The following TEAD3 variants were observed in gnomAD, a reference collection of about 807,000 sequenced individuals.
TEAD3 encodes TEA domain transcription factor 3.
TEAD3 carries 15 observed loss-of-function variants against 55.6 expected under a neutral mutation model. That is an observed-to-expected ratio of 0.27 (90% CI 0.18 to 0.42). TEAD3 has a LOEUF of 0.42. Ranked by LOEUF, TEAD3 falls within the 10% of genes least tolerant of loss-of-function variation. TEAD3 has a pLI of 1.00. For missense variants in TEAD3, 407 were observed against 576.8 expected (o/e 0.71, Z 3.01); for synonymous variants, 210 against 232.2 (o/e 0.90, Z 0.87).
chr6:35,483,500 G>C lies in TEAD3; in HGVS notation c.267+1060C>G, dbSNP rs1185984133. Among the ~76,000 whole-genome samples, 1 of 152,134 alleles carries C rather than the reference G, an allele frequency of 6.6e-6. No homozygotes were observed. The highest frequency in any genetic ancestry group is 1.5e-5 in the Non-Finnish European group (1 of 68,016). On this transcript the variant is annotated intron_variant, in intron 3 of 12. Transcript: ENST00000639578. The surrounding 1 kb of genome is among the most constrained non-coding windows in gnomAD (Gnocchi z 4.5). ...TTCCCTGGATCAGAAGCCACTAACT[G>C]TCTCTTACATCATCATTTTTCTCCA...
intron 1 of TEAD3, among the ~76,000 whole-genome samples, chr6:35,494,528 T>C (rs72894784): frequency 0.063 from 9,624 of 152,202 alleles, 432 homozygotes; most frequent in Admixed American, 0.12. Flanking sequence ...TCCCCAGCTC[T>C]ACCCAGAGGC....
At position 35,485,892 on chromosome 6, in the gene TEAD3, G is replaced by T. The variant is rs1306938511; in HGVS notation, c.202+569C>A. Among the ~76,000 whole-genome samples the T allele has an allele frequency of 6.6e-6, 1 of 152,200 alleles. No homozygotes were observed. Among genetic ancestry groups the T allele is most frequent in the African/African-American group, 2.4e-5 (1 of 41,450 alleles). ...ATCCCAAAAATGCAGCTCTGGGAGA[G>T]CCCTCTCAGGGCTGGACAAGAGGGG... is the stretch of plus-strand genomic sequence containing the variant. On this transcript the variant is annotated intron_variant, in intron 2 of 12. Coordinates refer to ENST00000639578, the Ensembl canonical transcript of TEAD3. This position sits in a 1 kb window ranked among gnomAD's most constrained non-coding sequence, Gnocchi z 4.3.
intron 1 of TEAD3, among the ~76,000 whole-genome samples, chr6:35,490,639 C>T (rs1561808037): frequency 1.3e-5 from 2 of 152,194 alleles, no homozygotes; most frequent in Non-Finnish European, 1.5e-5. Flanking sequence ...GGGGCTGGAC[C>T]GGGGTCTCAG....
At chr6:35,481,581 A>T (rs374607962) in intron 3 of TEAD3, among the ~76,000 whole-genome samples, 1 of 152,348 alleles carries the variant, frequency 6.6e-6, no homozygotes, top group African/African-American at 2.4e-5. Context: ...TACTGAGCAC[A>T]GATACTATCG....
intron 3 of TEAD3, 149 bp downstream of exon 4, chr6:35,480,163 G>GGAAGGAGAGGCA: frequency 6.5e-7 from 1 of 1,550,004 alleles, no homozygotes; most frequent in South Asian, 1.2e-5. Flanking sequence ...CAGAAAGAGC[G>GGAAGGAGAGGCA]GAAGGAGAGG....
rs1161373581 is a variant in TEAD3 at position 35,496,132 on chromosome 6, G to C, written c.-50+766C>G. Among the ~76,000 whole-genome samples, 1 of 147,008 alleles carries C rather than the reference G, an allele frequency of 6.8e-6. No individual in the cohort carries two copies. Among genetic ancestry groups the C allele is most frequent in the Non-Finnish European group, 1.5e-5 (1 of 66,392 alleles). On this transcript the variant is annotated intron_variant, in intron 1 of 12. Coordinates refer to ENST00000639578, the Ensembl canonical transcript of TEAD3. This position sits in a 1 kb window ranked among gnomAD's most constrained non-coding sequence, Gnocchi z 4.8. ...GGCATGACAGACAATGGTGGGGACC[G>C]GGGTAGGAAGCGGGAGACCAGCCAC...
rs1768122991 is a variant in TEAD3, at chr6:35,475,423, C to T, written c.1107G>A (p.Glu369=). The T allele has an allele frequency of 6.2e-7, 1 of 1,613,962 alleles. No individual in the cohort carries two copies. The highest frequency in any genetic ancestry group is 8.5e-7 in the Non-Finnish European group (1 of 1,179,980). The change falls in exon 12 of 13, where the codon GAG becomes GAA. Residue 369 remains glutamate (E), a synonymous_variant. Coordinates refer to ENST00000639578, the Ensembl canonical transcript of TEAD3. The surrounding 1 kb of genome is among the most constrained non-coding windows in gnomAD (Gnocchi z 5.4). The stretch of plus-strand genomic sequence containing the variant: ...GCTTGTGGATGAAGTTGATCATGTA[C>T]TCGCACATGGGCGAGCGGTGGATAC...
chr6:35,486,771 A>C lies in TEAD3; in HGVS notation c.-49-60T>G. 1 of 1,222,900 alleles carries C rather than the reference A, an allele frequency of 8.2e-7. No individual in the cohort carries two copies. Among genetic ancestry groups the C allele is most frequent in the Non-Finnish European group, 1.1e-6 (1 of 878,380 alleles). The allele number at this position is 1,222,900 out of a possible 1,614,324, so 75.8% of individuals were successfully genotyped here. A position where few individuals can be genotyped will look rare whatever the true frequency, so the allele number is the denominator to read the frequency against. ...TCCTCCTCGACCACAGCAATCTCCT[A>C]TCCCACAGCCGCTGGCTCTGGAGCT... On this transcript the variant is annotated intron_variant, in intron 1 of 12. Transcript: ENST00000639578. The surrounding 1 kb of genome is among the most constrained non-coding windows in gnomAD (Gnocchi z 7.3).
Position 35,484,578 on chromosome 6 carries a change from C to A in TEAD3, c.249G>T (p.Lys83Asn), listed in dbSNP as rs746360805. Residue 83 changes from lysine to asparagine, a missense_variant, in exon 3 of 13, where the codon AAG becomes AAT. By Grantham distance (94) the Lys-to-Asn change is moderately conservative. Coordinates refer to ENST00000639578, the Ensembl canonical transcript of TEAD3. This position sits in a 1 kb window ranked among gnomAD's most constrained non-coding sequence, Gnocchi z 5.8. ...TCTCTACCTGTTTTCTCGTCCGAGT[C>A]TTCCCCGTCCTCAGTTTAATATAGC... 6.2e-7 allele frequency: 1 copy of A among 1,605,358 alleles called. No homozygotes were observed. The highest frequency in any genetic ancestry group is 8.5e-7 in the Non-Finnish European group (1 of 1,175,980).
chr6:35,485,897 C>T lies in TEAD3; in HGVS notation c.202+564G>A, dbSNP rs1283006519. On this transcript the variant is annotated intron_variant, in intron 2 of 12. Transcript: ENST00000639578. This position sits in a 1 kb window ranked among gnomAD's most constrained non-coding sequence, Gnocchi z 4.3. ...AAAAATGCAGCTCTGGGAGAGCCCT[C>T]TCAGGGCTGGACAAGAGGGGACACT... is the stretch of plus-strand genomic sequence containing the variant. 6.6e-6 allele frequency among the ~76,000 whole-genome samples: 1 copy of T among 152,206 alleles called. No individual in the cohort carries two copies. Among genetic ancestry groups the T allele is most frequent in the African/African-American group, 2.4e-5 (1 of 41,470 alleles).
rs2150920024 is a variant in TEAD3 at position 35,496,343 on chromosome 6, C to G, written c.-50+555G>C. 6.6e-6 allele frequency among the ~76,000 whole-genome samples: 1 copy of G among 152,300 alleles called. No individual in the cohort carries two copies. Among genetic ancestry groups the G allele is most frequent in the African/African-American group, 2.4e-5 (1 of 41,574 alleles). On this transcript the variant is annotated intron_variant, in intron 1 of 12. Coordinates refer to ENST00000639578, the Ensembl canonical transcript of TEAD3. This position sits in a 1 kb window ranked among gnomAD's most constrained non-coding sequence, Gnocchi z 4.8. ...CCCTGCCTCTCAGGGGACACACGGCCGGGGCGCGCGGCTTTGGTCCCAGAC... is the reference window on the plus strand; with the variant it reads ...CCCTGCCTCTCAGGGGACACACGGCGGGGGCGCGCGGCTTTGGTCCCAGAC...
chr6:35,482,606 C>T (rs1375891952), intron 3 of TEAD3, among the ~76,000 whole-genome samples: 1 of 152,158 alleles, frequency 6.6e-6, no homozygotes, highest in African/African-American at 2.4e-5. Flanking sequence ...TCCACCCTGG[C>T]CTCAGTTCAA....
chr6:35,487,936 C>T (rs1009234926), intron 1 of TEAD3, among the ~76,000 whole-genome samples: 1 of 152,176 alleles, frequency 6.6e-6, no homozygotes, highest in African/African-American at 2.4e-5. Flanking sequence ...TCCTCCTCCC[C>T]AGTGTCCACA....
At chr6:35,479,065 A>G (rs968644285) in intron 5 of TEAD3, among the ~76,000 whole-genome samples, 26 of 151,910 alleles carry the variant, frequency 1.7e-4, no homozygotes, top group African/African-American at 6.0e-4. Flanking sequence ...TTTTTAGTAG[A>G]GACGGAGTTT....
chr6:35,495,070 A>C (rs1768611647), intron 1 of TEAD3, among the ~76,000 whole-genome samples: 1 of 152,176 alleles, frequency 6.6e-6, no homozygotes, highest in Non-Finnish European at 1.5e-5. Context: ...AAGGGACTTG[A>C]GAAGTCATTC....
chr6:35,476,161 C>T, intron 9 of TEAD3, 69 bp from the exon 10 acceptor site: 1 of 1,529,468 alleles, frequency 6.5e-7, no homozygotes, highest in Non-Finnish European at 8.8e-7. Context: ...GGGAAGGGAG[C>T]ACTGCACAGG....
intron 3 of TEAD3, among the ~76,000 whole-genome samples, chr6:35,481,895 C>G (rs79894337): frequency 0.016 from 2,397 of 152,332 alleles, 33 homozygotes; most frequent in Non-Finnish European, 0.019. Context: ...TAATATTTAG[C>G]TCTTTTGTCC....
At chr6:35,492,288 G>A (rs987532520) in intron 1 of TEAD3, among the ~76,000 whole-genome samples, 2 of 152,154 alleles carry the variant, frequency 1.3e-5, no homozygotes, top group Non-Finnish European at 2.9e-5. Flanking sequence ...GGCAGCTGAG[G>A]AGGGCTAAGG....
exon 4 of TEAD3, chr6:35,480,066 C>T: frequency 6.6e-7 from 1 of 1,523,412 alleles, no homozygotes; most frequent in Non-Finnish European, 8.9e-7. Flanking sequence ...GTACCTTCAG[C>T]TTAGACTGAA....
Sources: gnomAD v4.1 joint callset for allele counts (sites outside exome capture counted in the v4.1 genomes callset) on GRCh38, gnomAD v4.1.1 for gene constraint, Gnocchi (gnomAD v3.1) non-coding constraint, MANE v1.5 for transcripts, NCBI Gene and HGNC (gene_info 2026-07-23, HGNC 2026-07-21) for gene names.